Variants in ADK observed in about 807,000 individuals in gnomAD.
The protein encoded by ADK is adenosine kinase.
Under a neutral mutation model 44.7 loss-of-function variants are expected in ADK, and 24 were observed. The ratio of observed to expected loss-of-function variants is 0.54; its 90% CI spans 0.39 to 0.76. The LOEUF is 0.76. Among genes scored for constraint, ADK ranks in the 30% least tolerant of loss-of-function variants. The pLI, the probability that ADK is intolerant of heterozygous loss-of-function variation, is 0.00. For synonymous variants in ADK, 128 were observed against 142.6 expected, an observed-to-expected ratio of 0.90 and a Z score of 0.73; for missense variants, 321 against 425.1, an observed-to-expected ratio of 0.76 and a Z score of 2.15.
chr10:74,355,525 C>A (rs530332565), intron 4 of ADK, among the ~76,000 whole-genome samples: 1 of 152,264 alleles, frequency 6.6e-6, no homozygotes, highest in South Asian at 2.1e-4. Context: ...TAACTTTTAT[C>A]TTCTTTAATG....
intron 7 of ADK, among the ~76,000 whole-genome samples, chr10:74,555,762 G>C (rs1850225358): frequency 2.0e-5 from 3 of 152,184 alleles, no homozygotes; most frequent in African/African-American, 4.8e-5. Context: ...CTGTTTCTCA[G>C]TTGCTCTGGA....
intron 6 of ADK, among the ~76,000 whole-genome samples, chr10:74,403,366 C>T (rs549673157): frequency 1.9e-4 from 29 of 152,178 alleles, no homozygotes; most frequent in Non-Finnish European, 3.7e-4. Flanking sequence ...GGCAGGCAGG[C>T]CTCCTTGAGC....
chr10:74,679,817 A>G (rs1177147738), intron 10 of ADK, among the ~76,000 whole-genome samples: 8 of 151,798 alleles, frequency 5.3e-5, no homozygotes, highest in Non-Finnish European at 8.8e-5. Flanking sequence ...AAAAATTAGC[A>G]AGGTGTGGTG....
chr10:74,621,199 T>A (rs1306481124), intron 9 of ADK, among the ~76,000 whole-genome samples: 5 of 152,210 alleles, frequency 3.3e-5, no homozygotes, highest in Non-Finnish European at 7.4e-5. Context: ...TTTTATTGTT[T>A]TGGGTCTTAC....
chr10:74,356,260 C>T (rs1345500189), intron 4 of ADK, among the ~76,000 whole-genome samples: 2 of 151,602 alleles, frequency 1.3e-5, no homozygotes, highest in East Asian at 3.9e-4. Flanking sequence ...CCTCATGATC[C>T]ACCCGCCTCG....
intron 3 of ADK, among the ~76,000 whole-genome samples, chr10:74,274,066 A>G (rs910027394): frequency 6.6e-6 from 1 of 152,132 alleles, no homozygotes; most frequent in Non-Finnish European, 1.5e-5. Context: ...ACACTTGGCC[A>G]TTGAACAATA....
rs7082872 is a variant in ADK at position 74,431,331 on chromosome 10, C to A, written c.555+32752C>A. 4.4e-3 allele frequency among the ~76,000 whole-genome samples: 664 copies of A among 152,084 alleles called. 3 individuals are homozygous for A. The highest frequency in any genetic ancestry group is 6.7e-3 in the Non-Finnish European group (457 of 67,994). ...ATAGTAGGAAATGTAGTTATCACAT[C>A]GGCCCAAATGTTTGTGTCTGCTTAA... On this transcript the variant is annotated intron_variant, in intron 6 of 10. Transcript: ENST00000539909.
At chr10:74,676,028 C>T (rs1222780530) in intron 10 of ADK, among the ~76,000 whole-genome samples, 1 of 137,350 alleles carries the variant, frequency 7.3e-6, no homozygotes, top group Admixed American at 7.7e-5. Flanking sequence ...CACCCAAGAA[C>T]CAACATTCTT....
At chr10:74,250,705 G>C (rs908270931) in intron 3 of ADK, among the ~76,000 whole-genome samples, 1 of 151,994 alleles carries the variant, frequency 6.6e-6, no homozygotes, top group Non-Finnish European at 1.5e-5. Flanking sequence ...AAATAATGAG[G>C]GTCTCTTATA....
chr10:74,561,957 G>C (rs1252187493), intron 7 of ADK, among the ~76,000 whole-genome samples: 11 of 152,220 alleles, frequency 7.2e-5, no homozygotes, highest in Admixed American at 7.2e-4. Context: ...ACATTTAAGT[G>C]AAATTTGATT....
intron 6 of ADK, among the ~76,000 whole-genome samples, chr10:74,491,814 C>G (rs1218401684): frequency 6.6e-6 from 1 of 151,960 alleles, no homozygotes; most frequent in Non-Finnish European, 1.5e-5. Flanking sequence ...CTTTCCCCCC[C>G]GATAGAAACT....
chr10:74,545,698 C>G (rs1232308835), intron 7 of ADK, among the ~76,000 whole-genome samples: 1 of 152,020 alleles, frequency 6.6e-6, no homozygotes, highest in Admixed American at 6.6e-5. Context: ...TATGATGTTC[C>G]CATTTCTGTT....
intron 8 of ADK, among the ~76,000 whole-genome samples, chr10:74,596,158 AAAC>A (rs988287314): frequency 2.0e-5 from 3 of 152,130 alleles, no homozygotes; most frequent in Non-Finnish European, 2.9e-5. Flanking sequence ...TGATAAAAAA[AAAC>A]AACAAAAAGC....
At chr10:74,341,023 A>G (rs1258190228) in intron 4 of ADK, among the ~76,000 whole-genome samples, 1 of 152,206 alleles carries the variant, frequency 6.6e-6, no homozygotes, top group Non-Finnish European at 1.5e-5. Flanking sequence ...CCTTTATGTC[A>G]GAAACTTAGA....
chr10:74,623,267 T>G (rs115656452), intron 9 of ADK, among the ~76,000 whole-genome samples: 3,095 of 152,274 alleles, frequency 0.02, 111 homozygotes, highest in African/African-American at 0.069. Context: ...AAGAATTATC[T>G]GGCCCAAATT....
At chr10:74,708,172 A>T (rs1289606786) in intron 10 of ADK, 149 bp from the exon 11 acceptor site, 8 of 657,610 alleles carry the variant, frequency 1.2e-5, no homozygotes, top group Admixed American at 1.0e-4. Flanking sequence ...AAAAAAAAAG[A>T]CCTCCCTAAC....
At chr10:74,400,975 A>T (rs1411334117) in intron 6 of ADK, among the ~76,000 whole-genome samples, 4 of 152,320 alleles carry the variant, frequency 2.6e-5, no homozygotes, top group South Asian at 4.1e-4. Context: ...CTAAAATTGA[A>T]TATGGATACA....
chr10:74,418,040 C>A (rs926366247), intron 6 of ADK, among the ~76,000 whole-genome samples: 19 of 152,156 alleles, frequency 1.2e-4, no homozygotes, highest in Admixed American at 3.9e-4. Context: ...CTAAAAGATA[C>A]ATAGGTTATT....
intron 9 of ADK, among the ~76,000 whole-genome samples, chr10:74,659,397 T>C (rs898257273): frequency 2.6e-5 from 4 of 152,208 alleles, no homozygotes; most frequent in African/African-American, 4.8e-5. Context: ...TTAACTGGAA[T>C]TAACTTAAAA....
Sources: gnomAD v4.1 joint callset for allele counts (sites outside exome capture counted in the v4.1 genomes callset) on GRCh38, gnomAD v4.1.1 for gene constraint, MANE v1.5 for transcripts, NCBI Gene and HGNC (gene_info 2026-07-23, HGNC 2026-07-21) for gene names.